MYLK3: variants seen among roughly 807,000 people sequenced by gnomAD.
MYLK3 encodes the protein MLC kinase.
In MYLK3, 55 loss-of-function variants were observed where a neutral mutation model predicts 76.3. The observed-to-expected ratio is 0.72, with a 90% CI of 0.58 to 0.90. The LOEUF (loss-of-function observed/expected upper bound fraction) is 0.90. MYLK3 is among the 40% of genes least tolerant of loss of function. The probability of loss-of-function intolerance (pLI) is 0.00; values close to 1 mark genes in which losing one functional copy is unlikely to be tolerated. For missense variants in MYLK3, 973 were observed against 1,053.6 expected (o/e 0.92, Z 1.06); for synonymous variants, 416 against 425.4 (o/e 0.98, Z 0.27).
Position 46,732,615 on chromosome 16 carries a change from C to G in MYLK3, c.1055G>C (p.Gly352Ala), listed in dbSNP as rs1013606482. The change falls in exon 4 of 13, where the codon GGC becomes GCC. Residue 352 changes from glycine (G) to alanine (A), a missense_variant. Gly to Ala is a moderately conservative substitution (Grantham distance 60). This residue lies in a region of MYLK3 where 641 missense variants were observed against 637.0 expected (regional missense o/e 1.01). Transcript: ENST00000394809. ...GAGGGTGGGTCCAAGGCTGCCCCTG[C>G]CTGTCATCAGCATCTCCCCAGGAGT... ...MDTPGEMLMT[G>A]RGSLGPTLTT... The G allele has an allele frequency of 6.4e-7, 1 of 1,572,624 alleles. No individual in the cohort carries two copies. Among genetic ancestry groups the G allele is most frequent in the Non-Finnish European group, 8.6e-7 (1 of 1,166,112 alleles).
rs774034698 is a variant in MYLK3, at chr16:46,729,064, C to T, written c.1732G>A (p.Ala578Thr). The T allele has an allele frequency of 6.2e-6, 10 of 1,614,110 alleles. No homozygotes were observed. Among genetic ancestry groups the T allele is most frequent in the Non-Finnish European group, 8.5e-6 (10 of 1,179,950 alleles). ...GTGCAGCTGTGCTTGCTCTCGAAGG[C>T]GTCATAGAGCTGGATCAGGTTCACG... ...SHVNLIQLYD[A>T]FESKHSCTLV... Residue 578 changes from alanine (A) to threonine (T), a missense_variant, in exon 7 of 13, where the codon GCC becomes ACC. Coordinates refer to ENST00000394809, the MANE Select transcript of MYLK3 (RefSeq NM_182493.3).
chr16:46,734,997 C>T (rs2143015427), intron 3 of MYLK3, among the ~76,000 whole-genome samples: 1 of 151,706 alleles, frequency 6.6e-6, no homozygotes, highest in East Asian at 2.0e-4. Flanking sequence ...AAAAATTAAC[C>T]AGGCATGGTG....
chr16:46,732,266 C>G lies in MYLK3; in HGVS notation c.1404G>C (p.Val468=), dbSNP rs746213672. The change falls in exon 4 of 13, where the codon GTG becomes GTC. Residue 468 remains valine (V), a synonymous_variant. Coordinates refer to ENST00000394809, the MANE Select transcript of MYLK3 (RefSeq NM_182493.3). ...PEQDCAARAP[V]RAEAVRRMPP... is the part of the protein sequence containing the mutation. Reference sequence around the variant, plus strand: ...GCATCCTCCTTACTGCTTCAGCTCTCACCGGAGCCCTGGCTGCACAGTCCT... The same window carrying G: ...GCATCCTCCTTACTGCTTCAGCTCTGACCGGAGCCCTGGCTGCACAGTCCT... 1.2e-6 allele frequency: 2 copies of G among 1,605,408 alleles called. No individual in the cohort carries two copies. Among genetic ancestry groups the G allele is most frequent in the South Asian group, 2.2e-5 (2 of 91,058 alleles).
intron 7 of MYLK3, among the ~76,000 whole-genome samples, 177 bp downstream of exon 7, chr16:46,728,847 T>C (rs2143014604): frequency 6.6e-6 from 1 of 152,326 alleles, no homozygotes; most frequent in East Asian, 1.9e-4. Context: ...AGTTGCTTTG[T>C]CCTCCACATT....
At chr16:46,732,815 G>A (rs1269903315) in intron 3 of MYLK3, 147 bp from the exon 4 acceptor site, 1 of 620,852 alleles carries the variant, frequency 1.6e-6, no homozygotes, top group Non-Finnish European at 2.7e-6. Context: ...GCTGACTTCA[G>A]TGACAGTTGG....
chr16:46,727,493 TG>T, intron 7 of MYLK3, 116 bp from the exon 8 acceptor site: 1 of 1,151,236 alleles, frequency 8.7e-7, no homozygotes, highest in South Asian at 1.7e-5. Flanking sequence ...TCACACCCCA[TG>T]GGTCACAGGG....
At chr16:46,720,865 C>G (rs1014980976) in intron 9 of MYLK3, among the ~76,000 whole-genome samples, 1 of 152,202 alleles carries the variant, frequency 6.6e-6, no homozygotes, top group Non-Finnish European at 1.5e-5. Flanking sequence ...CATCACTCTC[C>G]TCTCTTCTGA....
At chr16:46,755,555 A>G (rs1484878662) in intron 1 of MYLK3, among the ~76,000 whole-genome samples, 1 of 151,992 alleles carries the variant, frequency 6.6e-6, no homozygotes, top group Admixed American at 6.5e-5. Flanking sequence ...CTCCCGGGGG[A>G]AAAAGAGTGT....
chr16:46,703,153 A>T lies in MYLK3; in HGVS notation c.*4551T>A, dbSNP rs35590234. 0.033 allele frequency among the ~76,000 whole-genome samples: 4,990 copies of T among 152,250 alleles called. 107 individuals are homozygous for T. The highest frequency in any genetic ancestry group is 0.052 in the Non-Finnish European group (3,522 of 68,010). On this transcript the variant is annotated 3_prime_UTR_variant, in exon 13 of 13. Coordinates refer to ENST00000394809, the MANE Select transcript of MYLK3 (RefSeq NM_182493.3). ...TATACATTCTATAATTTAAGAAAAAATGGCTTTCAGTATATCTAGATCTAT... is the reference window on the plus strand; with the variant it reads ...TATACATTCTATAATTTAAGAAAAATTGGCTTTCAGTATATCTAGATCTAT...
intron 1 of MYLK3, among the ~76,000 whole-genome samples, chr16:46,740,672 C>T (rs1966917753): frequency 6.6e-6 from 1 of 151,588 alleles, no homozygotes; most frequent in African/African-American, 2.4e-5. Context: ...CCAGTTCAGC[C>T]TCCCGAGTAG....
chr16:46,714,317 A>T (rs1211819777), intron 9 of MYLK3, among the ~76,000 whole-genome samples: 1 of 152,258 alleles, frequency 6.6e-6, no homozygotes, highest in African/African-American at 2.4e-5. Flanking sequence ...AAATAAAATG[A>T]ACATTCTGCC....
intron 7 of MYLK3, 55 bp downstream of exon 7, chr16:46,728,969 C>T: frequency 7.6e-7 from 1 of 1,311,134 alleles, no homozygotes; most frequent in Non-Finnish European, 1.1e-6. Flanking sequence ...GGCTCTAAGC[C>T]CCAGCACTGA....
rs752995937 is a variant in MYLK3 at position 46,729,118 on chromosome 16, C to T, written c.1678G>A (p.Glu560Lys). ...SAKDREDVKNEINIMNQLSHV... is the reference protein window; with the variant it reads ...SAKDREDVKNKINIMNQLSHV... ...CTGAGCTGGTTCATGATGTTGATCT[C>T]GTTCTTCACGTCCTCCTTGGGGGAA... The change falls in exon 7 of 13, where the codon GAG becomes AAG. Residue 560 changes from glutamate to lysine, a missense_variant. By Grantham distance (56) the Glu-to-Lys change is moderately conservative (BLOSUM62 1). Transcript: ENST00000394809. 2.5e-6 allele frequency: 4 copies of T among 1,613,928 alleles called. No homozygotes were observed. The Admixed American group carries it at 5.0e-5, about 20-fold the overall frequency.
upstream of MYLK3, among the ~76,000 whole-genome samples, chr16:46,751,710 G>A (rs893145229): frequency 2.0e-5 from 3 of 152,220 alleles, no homozygotes; most frequent in Non-Finnish European, 2.9e-5. Flanking sequence ...CTGACAATCC[G>A]GGAAGGGAGC....
At position 46,716,977 on chromosome 16, in the gene MYLK3, A is replaced by C. The variant is rs532402777; in HGVS notation, c.1985+4146T>G. 3.0e-4 allele frequency among the ~76,000 whole-genome samples: 46 copies of C among 152,242 alleles called. No individual in the cohort carries two copies. The South Asian group carries it at 9.5e-3, about 32-fold the overall frequency. On this transcript the variant is annotated intron_variant, in intron 9 of 12. Coordinates refer to ENST00000394809, the MANE Select transcript of MYLK3 (RefSeq NM_182493.3). ...CATACCTTGCCCTGTGCCCCTCTTC[A>C]CCTGTATTCTTTGTAATATAAACAA...
intron 1 of MYLK3, among the ~76,000 whole-genome samples, chr16:46,745,001 G>A (rs1966999091): frequency 6.6e-6 from 1 of 151,916 alleles, no homozygotes; most frequent in Non-Finnish European, 1.5e-5. Flanking sequence ...AGGGGGAAGT[G>A]GGTGGGGAAA....
intron 7 of MYLK3, 53 bp downstream of exon 7, chr16:46,728,971 C>T (rs1479072943): frequency 6.0e-6 from 8 of 1,331,970 alleles, no homozygotes; most frequent in Non-Finnish European, 8.7e-6. Flanking sequence ...CTCTAAGCCC[C>T]AGCACTGAGC....
rs1358185827 is a variant in MYLK3, at chr16:46,741,618, G to C, written c.478-1471C>G. Among the ~76,000 whole-genome samples, 3 of 152,146 alleles carry C rather than the reference G, an allele frequency of 2.0e-5. No homozygotes were observed. The East Asian group carries it at 5.8e-4, about 29-fold the overall frequency. On this transcript the variant is annotated intron_variant, in intron 1 of 12. Transcript: ENST00000394809. Reference sequence around the variant, plus strand: ...GCATAAGGCACTCACCAGTCTCCGGGCTTCTGTGGCCAAGGCAAGAGAGGC... The same window carrying C: ...GCATAAGGCACTCACCAGTCTCCGGCCTTCTGTGGCCAAGGCAAGAGAGGC...
upstream of MYLK3, among the ~76,000 whole-genome samples, chr16:46,751,392 G>A (rs1967122609): frequency 6.6e-6 from 1 of 152,026 alleles, no homozygotes; most frequent in African/African-American, 2.4e-5. Flanking sequence ...GGGTGACAGA[G>A]CAAGACTCTG....
Sources: gnomAD v4.1 joint callset for allele counts (sites outside exome capture counted in the v4.1 genomes callset) on GRCh38, gnomAD v4.1.1 for gene constraint, gnomAD v4.1.1 regional missense constraint, MANE v1.5 for transcripts, NCBI Gene and HGNC (gene_info 2026-07-23, HGNC 2026-07-21) for gene names.